Variants in KLHDC2 observed in about 807,000 individuals in gnomAD.
KLHDC2 encodes the protein kelch domain containing 2, also known as kelch domain-containing protein 2.
Under a neutral mutation model 62.3 loss-of-function variants are expected in KLHDC2, and 38 were observed. The ratio of observed to expected loss-of-function variants is 0.61; its 90% confidence interval spans 0.47 to 0.80. KLHDC2 has a LOEUF of 0.80. KLHDC2 is among the 30% of genes least tolerant of loss of function. KLHDC2 has a pLI of 0.00. For synonymous variants in KLHDC2, 159 were observed against 161.0 expected (o/e 0.99, Z 0.09); for missense variants, 430 against 495.3 (o/e 0.87, Z 1.25).
chr14:49,782,644 A>G, intron 12 of KLHDC2, 50 bp downstream of exon 12: 1 of 1,489,842 alleles, frequency 6.7e-7, no homozygotes, highest in Non-Finnish European at 9.2e-7. Context: ...TGTGTTTCCT[A>G]AGACTTAGCA....
In KLHDC2 at chr14:49,784,939, A is replaced by G. The variant is rs756397264; in HGVS notation, c.*1986A>G. 16 of 1,613,610 alleles carry G rather than the reference A, an allele frequency of 9.9e-6. No individual in the cohort carries two copies. The highest frequency in any genetic ancestry group is 1.7e-5 in the Admixed American group (1 of 59,994). On this transcript the variant is annotated 3_prime_UTR_variant, in exon 13 of 13. Coordinates refer to ENST00000298307, the MANE Select transcript of KLHDC2 (RefSeq NM_014315.3). ...GAGAACTTTACCTTTACGCTGCGGA[A>G]TAAGTCTTTTTCTCTTGCTGTTGCT...
Position 49,768,329 on chromosome 14 carries a change from G to C in KLHDC2, c.-140G>C. On this transcript the variant is annotated 5_prime_UTR_variant, in exon 1 of 13. Transcript: ENST00000298307. Reference sequence around the variant, plus strand: ...GAGGCTGGGAAACGCGAGCGCAGGCGGCAGAGAGGCCTCAACGCCGTCCCT... The same window carrying C: ...GAGGCTGGGAAACGCGAGCGCAGGCCGCAGAGAGGCCTCAACGCCGTCCCT... 1.1e-6 allele frequency: 1 copy of C among 902,386 alleles called. No individual in the cohort carries two copies. The highest frequency in any genetic ancestry group is 1.6e-6 in the Non-Finnish European group (1 of 621,096). 55.9% of individuals were successfully genotyped at this position (902,386 alleles called of 1,614,324 possible). A position where few individuals can be genotyped will look rare whatever the true frequency, so the allele number is the denominator to read the frequency against.
chr14:49,782,226 C>T, intron 10 of KLHDC2, 144 bp from the exon 11 acceptor site: 1 of 541,652 alleles, frequency 1.8e-6, no homozygotes, highest in South Asian at 2.9e-5. Context: ...TGCTACTTTC[C>T]CTTAAGATTT....
chr14:49,779,715 C>A (rs1889847890), intron 7 of KLHDC2, 33 bp from the exon 8 acceptor site: 2 of 1,605,096 alleles, frequency 1.2e-6, no homozygotes, highest in Admixed American at 1.7e-5. Context: ...CTTTTGAATT[C>A]TTCAAAATGA....
chr14:49,778,308 A>G, intron 5 of KLHDC2, 49 bp downstream of exon 5: 1 of 1,371,860 alleles, frequency 7.3e-7, no homozygotes, highest in Non-Finnish European at 1.0e-6. Flanking sequence ...ATGTTGAAAT[A>G]ATACATTTTA....
chr14:49,768,235 C>T lies in KLHDC2; in HGVS notation c.-234C>T, dbSNP rs374418088. 301 of 387,494 alleles carry T rather than the reference C, an allele frequency of 7.8e-4. 3 individuals are homozygous for T. In the East Asian group the frequency reaches 0.011, roughly 14 times the overall value. 24.0% of individuals were successfully genotyped at this position (387,494 alleles called of 1,614,324 possible). On this transcript the variant is annotated 5_prime_UTR_variant, in exon 1 of 13. Coordinates refer to ENST00000298307, the MANE Select transcript of KLHDC2 (RefSeq NM_014315.3). Reference sequence around the variant, plus strand: ...GTCCCGGGCCCGCGCCGCCGCCGCCCGGCTCCGCTCGCGGCCCCTCTGTCT... The same window carrying T: ...GTCCCGGGCCCGCGCCGCCGCCGCCTGGCTCCGCTCGCGGCCCCTCTGTCT...
chr14:49,773,208 TC>T (rs1889699416), intron 2 of KLHDC2, among the ~76,000 whole-genome samples: 1 of 148,906 alleles, frequency 6.7e-6, no homozygotes, highest in Non-Finnish European at 1.5e-5. Flanking sequence ...GGTCAGGAGA[TC>T]CAGACCATCC....
chr14:49,775,037 G>A (rs1483625970), intron 3 of KLHDC2: 1 of 219,232 alleles, frequency 4.6e-6, no homozygotes, highest in Non-Finnish European at 9.0e-6. Flanking sequence ...AAATGAGCAG[G>A]CAACCAGTCA....
chr14:49,778,811 C>T lies in KLHDC2; in HGVS notation c.633+317C>T, dbSNP rs146279400. On this transcript the variant is annotated intron_variant, in intron 6 of 12. Transcript: ENST00000298307. ...GGATCTCTGCTTACTGCAATCTCCA[C>T]CTCCCAGGTTCAAGCGATTCTCCTG... 5.9e-5 allele frequency among the ~76,000 whole-genome samples: 9 copies of T among 151,866 alleles called. No individual in the cohort carries two copies. In the East Asian group the frequency reaches 1.5e-3, roughly 26 times the overall value.
chr14:49,774,446 C>T (rs552624598), intron 2 of KLHDC2, 115 bp from the exon 3 acceptor site: 4 of 731,894 alleles, frequency 5.5e-6, no homozygotes, highest in South Asian at 3.1e-5. Flanking sequence ...GCACTGTCTA[C>T]TCTGCCTTCT....
chr14:49,782,736 G>T (rs1294638285), intron 12 of KLHDC2, 94 bp from the exon 13 acceptor site: 9 of 1,460,328 alleles, frequency 6.2e-6, no homozygotes, highest in Non-Finnish European at 8.4e-6. Flanking sequence ...AATCTTTGAA[G>T]AAAGAAAGAG....
intron 10 of KLHDC2, among the ~76,000 whole-genome samples, chr14:49,781,425 T>TA (rs1889902128): frequency 6.7e-6 from 1 of 149,372 alleles, no homozygotes; most frequent in South Asian, 2.1e-4. Context: ...GTTTAAACCT[T>TA]AATCACATGG....
chr14:49,783,381 A>G lies in KLHDC2; in HGVS notation c.*428A>G, dbSNP rs1890006695. ...CAATATAATAAAGGTTTTTTTTTTT[A>G]AACATTAATATTCACATTATGACGA... On this transcript the variant is annotated 3_prime_UTR_variant, in exon 13 of 13. Transcript: ENST00000298307. 1 of 151,418 alleles carries G rather than the reference A, an allele frequency of 6.6e-6. No individual in the cohort carries two copies. 9.4% of individuals were successfully genotyped at this position (151,418 alleles called of 1,614,324 possible).
rs773726863 is a variant in KLHDC2, at chr14:49,785,500, TTAAATA to T, written c.*2550_*2555del. On this transcript the variant is annotated 3_prime_UTR_variant, in exon 13 of 13. Coordinates refer to ENST00000298307, the MANE Select transcript of KLHDC2 (RefSeq NM_014315.3). ...GTTCCAAAGAGTTGAAGACCAATGTTTAAATATATTCTTTACTACTTAATTTTTGCC... is the reference window on the plus strand; with the variant it reads ...GTTCCAAAGAGTTGAAGACCAATGTTTATTCTTTACTACTTAATTTTTGCC... The T allele has an allele frequency of 1.8e-6, 1 of 562,498 alleles. No homozygotes were observed. Among genetic ancestry groups the T allele is most frequent in the Non-Finnish European group, 3.2e-6 (1 of 313,172 alleles). 34.8% of individuals were successfully genotyped at this position (562,498 alleles called of 1,614,324 possible). A position where few individuals can be genotyped will look rare whatever the true frequency, so the allele number is the denominator to read the frequency against.
chr14:49,778,560 G>C, intron 6 of KLHDC2, 66 bp downstream of exon 6: 1 of 630,218 alleles, frequency 1.6e-6, no homozygotes, highest in Non-Finnish European at 2.8e-6. Context: ...GTGGGGTAGG[G>C]GAGAGGGGTG....
chr14:49,776,437 A>G (rs1324513845), intron 3 of KLHDC2, among the ~76,000 whole-genome samples: 1 of 152,224 alleles, frequency 6.6e-6, no homozygotes, highest in Non-Finnish European at 1.5e-5. Context: ...GAACCCTTTA[A>G]AGGAAAGATG....
chr14:49,780,973 T>A (rs540696080), intron 10 of KLHDC2, among the ~76,000 whole-genome samples, 198 bp downstream of exon 10: 1 of 152,358 alleles, frequency 6.6e-6, no homozygotes, highest in South Asian at 2.1e-4. Context: ...AGAGTAGGGC[T>A]GGATTTTTAT....
At chr14:49,782,747 G>A (rs1889966255) in intron 12 of KLHDC2, 83 bp from the exon 13 acceptor site, 1 of 1,483,890 alleles carries the variant, frequency 6.7e-7, no homozygotes, top group South Asian at 1.3e-5. Flanking sequence ...AAAGAAAGAG[G>A]GATGTTTTAT....
Position 49,782,162 on chromosome 14 carries a change from G to A in KLHDC2, c.957-208G>A, listed in dbSNP as rs1294856334. 1.7e-5 allele frequency: 9 copies of A among 516,478 alleles called. No individual in the cohort carries two copies. In the East Asian group the frequency reaches 1.9e-4, roughly 11 times the overall value. 32.0% of individuals were successfully genotyped at this position (516,478 alleles called of 1,614,324 possible). On this transcript the variant is annotated intron_variant, in intron 10 of 12. Transcript: ENST00000298307. ...AACTCCTCATTGCATAAATGAGAAC[G>A]ACCAGAGAGAGAAAATAATATCCAG...
Sources: gnomAD v4.1 joint callset for allele counts (sites outside exome capture counted in the v4.1 genomes callset) on GRCh38, gnomAD v4.1.1 for gene constraint, MANE v1.5 for transcripts, NCBI Gene and HGNC (gene_info 2026-07-23, HGNC 2026-07-21) for gene names.